Variants in DLG2 observed in about 807,000 individuals in gnomAD.
DLG2 encodes the protein discs large MAGUK scaffold protein 2, also known as disks large homolog 2.
A neutral mutation model predicts 132.5 loss-of-function variants in DLG2; 45 were observed. The ratio of observed to expected loss-of-function variants is 0.34; its 90% CI spans 0.27 to 0.44. The LOEUF (loss-of-function observed/expected upper bound fraction) is 0.44. DLG2 is among the 20% of genes least tolerant of loss of function. The probability of loss-of-function intolerance (pLI) is 1.00; values close to 1 mark genes in which losing one functional copy is unlikely to be tolerated. For missense variants in DLG2, 1,045 were observed against 1,196.9 expected (o/e 0.87, Z 1.87); for synonymous variants, 424 against 419.6 (o/e 1.01, Z -0.13).
At chr11:83,870,961 T>G (rs1291967137) in intron 16 of DLG2, among the ~76,000 whole-genome samples, 2 of 152,062 alleles carry the variant, frequency 1.3e-5, no homozygotes, top group African/African-American at 4.8e-5. Context: ...CCCCCTGGAG[T>G]TGTACAACCC....
Position 84,904,068 on chromosome 11 carries a change from G to A in DLG2, c.357+207593C>T, listed in dbSNP as rs61907732. ...CTGAGATAAAAGTTTTAACCAAACTGACAAAGATTACCATAACAAAAGTAC... is the reference window on the plus strand; with the variant it reads ...CTGAGATAAAAGTTTTAACCAAACTAACAAAGATTACCATAACAAAAGTAC... On this transcript the variant is annotated intron_variant, in intron 6 of 27. Transcript: ENST00000376104. 9.0e-3 allele frequency among the ~76,000 whole-genome samples: 1,372 copies of A among 152,142 alleles called. 10 individuals carry two copies. Among genetic ancestry groups the A allele is most frequent in the Non-Finnish European group, 0.014 (975 of 67,954 alleles).
rs555666065 is a variant in DLG2 at position 84,818,810 on chromosome 11, G to C, written c.358-284079C>G. ...TGACTTGCCCAAATACTCATCTTGAGTGGCAGACTAATGAATCAAGCTAAG... is the reference window on the plus strand; with the variant it reads ...TGACTTGCCCAAATACTCATCTTGACTGGCAGACTAATGAATCAAGCTAAG... On this transcript the variant is annotated intron_variant, in intron 6 of 27. Transcript: ENST00000376104. Among the ~76,000 whole-genome samples, 3 of 152,058 alleles carry C rather than the reference G, an allele frequency of 2.0e-5. No homozygotes were observed. In the South Asian group the frequency reaches 6.2e-4, roughly 32 times the overall value.
rs149567209 is a variant in DLG2 at position 84,491,163 on chromosome 11, T to C, written c.519+43407A>G. Among the ~76,000 whole-genome samples the C allele has an allele frequency of 2.3e-3, 351 of 152,112 alleles. 2 individuals carry two copies. Among genetic ancestry groups the C allele is most frequent in the African/African-American group, 8.3e-3 (345 of 41,516 alleles). On this transcript the variant is annotated intron_variant, in intron 7 of 27. Coordinates refer to ENST00000376104, the MANE Select transcript of DLG2 (RefSeq NM_001142699.3). ...AAATCGGAAGCCAGGTATGGTGATA[T>C]GGTTTGGCTGTGTCCCCACCCAAAT...
At chr11:84,452,686 C>T (rs964913110) in intron 7 of DLG2, among the ~76,000 whole-genome samples, 1 of 151,580 alleles carries the variant, frequency 6.6e-6, no homozygotes, top group Non-Finnish European at 1.5e-5. Context: ...ACATTTTGAC[C>T]TGATAAACCA....
rs1566943934 is a variant in DLG2 at position 85,154,593 on chromosome 11, TTTTC to T, written c.241_244del (p.Glu81IlefsTer56). On this transcript the variant is annotated frameshift_variant, in exon 5 of 28. Transcript: ENST00000376104. LOFTEE classifies it high-confidence loss of function. The stretch of plus-strand genomic sequence containing the variant: ...ATCAGTTTCATTTTCAAAACTCTGA[TTTTC>T]TTTATTTTGCTCAATACATGAAGCA... 11 of 1,537,502 alleles carry T rather than the reference TTTTC, an allele frequency of 7.2e-6. No homozygotes were observed. The highest frequency in any genetic ancestry group is 9.7e-6 in the Non-Finnish European group (11 of 1,135,038).
At chr11:83,837,730 A>AAAAAAAAAAAAAAAAAAAAT (rs2056597675) in intron 16 of DLG2, among the ~76,000 whole-genome samples, 1 of 148,846 alleles carries the variant, frequency 6.7e-6, no homozygotes, top group African/African-American at 2.5e-5. Context: ...AAGCAAAAAA[A>AAAAAAAAAAAAAAAAAAAAT]AAAAAAAAAA....
intron 6 of DLG2, among the ~76,000 whole-genome samples, chr11:84,998,865 T>C (rs1222972811): frequency 2.6e-5 from 4 of 152,122 alleles, no homozygotes; most frequent in Non-Finnish European, 5.9e-5. Context: ...ATACCAGACA[T>C]GCTATTCCTA....
intron 3 of DLG2, among the ~76,000 whole-genome samples, chr11:85,430,476 T>C (rs1341313642): frequency 2.0e-5 from 3 of 152,074 alleles, no homozygotes; most frequent in African/African-American, 7.2e-5. Flanking sequence ...GGTACAAAAA[T>C]CATTACATAT....
rs534309188 is a variant in DLG2, at chr11:84,268,952, G to C, written c.520-17661C>G. Among the ~76,000 whole-genome samples, 3 of 152,320 alleles carry C rather than the reference G, an allele frequency of 2.0e-5. No individual in the cohort carries two copies. In the South Asian group the frequency reaches 6.2e-4, roughly 32 times the overall value. On this transcript the variant is annotated intron_variant, in intron 7 of 27. Transcript: ENST00000376104. ...GTGTGGCAAGCAGGATGTGTTGTTT[G>C]CTGGATAAATGAATTATATTTTAAA...
At chr11:84,142,396 C>G (rs1247865546) in intron 9 of DLG2, among the ~76,000 whole-genome samples, 1 of 151,242 alleles carries the variant, frequency 6.6e-6, no homozygotes, top group Non-Finnish European at 1.5e-5. Context: ...TGTGTCATTG[C>G]CAGAGATAAA....
chr11:84,308,828 G>C (rs983419265), intron 7 of DLG2, among the ~76,000 whole-genome samples: 1 of 152,180 alleles, frequency 6.6e-6, no homozygotes, highest in Non-Finnish European at 1.5e-5. Context: ...TGGCCACTCC[G>C]AGTGCTGGGC....
intron 6 of DLG2, among the ~76,000 whole-genome samples, chr11:84,780,839 A>T (rs1565943948): frequency 6.6e-6 from 1 of 152,018 alleles, no homozygotes; most frequent in Non-Finnish European, 1.5e-5. Context: ...TATTCATCTT[A>T]ATGATTGTTT....
intron 3 of DLG2, among the ~76,000 whole-genome samples, chr11:85,548,097 G>C (rs1453093479): frequency 1.3e-5 from 2 of 152,122 alleles, no homozygotes; most frequent in East Asian, 3.9e-4. Flanking sequence ...GCCTTTTTGT[G>C]CTGTTTTCTC....
intron 3 of DLG2, among the ~76,000 whole-genome samples, chr11:85,309,386 A>G (rs1372722183): frequency 1.3e-5 from 2 of 151,824 alleles, no homozygotes; most frequent in African/African-American, 4.8e-5. Context: ...GATGAATTCC[A>G]ATTTTATATA....
intron 4 of DLG2, among the ~76,000 whole-genome samples, chr11:85,181,952 G>A (rs1472508154): frequency 6.6e-6 from 1 of 151,736 alleles, no homozygotes; most frequent in Non-Finnish European, 1.5e-5. Flanking sequence ...ATAGCATTCT[G>A]CTTTTGTATT....
chr11:84,478,697 T>C (rs1033096560), intron 7 of DLG2, among the ~76,000 whole-genome samples: 4 of 152,094 alleles, frequency 2.6e-5, no homozygotes, highest in Non-Finnish European at 5.9e-5. Context: ...CCAGAGTTAA[T>C]GCCGGGACTA....
At chr11:84,439,216 TG>T (rs1364979709) in intron 7 of DLG2, among the ~76,000 whole-genome samples, 12 of 152,234 alleles carry the variant, frequency 7.9e-5, no homozygotes, top group Admixed American at 7.9e-4. Context: ...TTTATTTATT[TG>T]TTTTCTCTGG....
intron 18 of DLG2, among the ~76,000 whole-genome samples, chr11:83,679,397 A>T (rs2153593290): frequency 6.6e-6 from 1 of 152,264 alleles, no homozygotes; most frequent in Non-Finnish European, 1.5e-5. Context: ...GAAAGCTATG[A>T]TATGTTATTT....
At chr11:84,541,485 G>C (rs1217527221) in intron 6 of DLG2, among the ~76,000 whole-genome samples, 1 of 152,016 alleles carries the variant, frequency 6.6e-6, no homozygotes, top group Non-Finnish European at 1.5e-5. Context: ...GACTTCAAAG[G>C]TTGGAAATCT....
Sources: allele counts gnomAD v4.1 joint callset (sites outside exome capture counted in the v4.1 genomes callset), GRCh38; gene constraint gnomAD v4.1.1; transcripts MANE v1.5; gene names NCBI Gene and HGNC (gene_info 2026-07-23, HGNC 2026-07-21).